The following RMP64 variants were observed in gnomAD, a reference collection of about 807,000 sequenced individuals.
RMP64 encodes nucleolus and neural progenitor protein.
At chr3:113,010,646 A>G in the RMP64 span, 3 of 1,611,502 alleles carry the variant, frequency 1.9e-6, no homozygotes, top group South Asian at 3.3e-5. Flanking sequence ...GACAAACCTG[A>G]GTAGCTTTGT....
the RMP64 span, among the ~76,000 whole-genome samples, chr3:113,007,720 C>G: frequency 2.0e-5 from 3 of 152,124 alleles, no homozygotes; most frequent in African/African-American, 7.2e-5. Flanking sequence ...AGTACAACAC[C>G]CCAGCAGTCT....
the RMP64 span, chr3:113,010,531 C>A: frequency 1.2e-6 from 1 of 844,870 alleles, no homozygotes; most frequent in Non-Finnish European, 1.9e-6. Flanking sequence ...TAAGAAGGCA[C>A]TAAGCTTAGA....
At chr3:113,010,651 C>T in the RMP64 span, 6 of 1,612,692 alleles carry the variant, frequency 3.7e-6, no homozygotes, top group South Asian at 5.5e-5. Flanking sequence ...ACCTGAGTAG[C>T]TTTGTGTTTC....
the RMP64 span, chr3:113,002,730 C>T: frequency 6.4e-6 from 1 of 157,274 alleles, no homozygotes; most frequent in African/African-American, 2.4e-5. Context: ...AACTGGTTAT[C>T]AGAAGTCAAC....
At chr3:113,005,576 G>C in the RMP64 span, 1 of 1,613,610 alleles carries the variant, frequency 6.2e-7, no homozygotes, top group Non-Finnish European at 8.5e-7. Flanking sequence ...AATGTCATCT[G>C]TCTCCTTAAT....
the RMP64 span, among the ~76,000 whole-genome samples, chr3:113,018,438 G>A: frequency 6.6e-6 from 1 of 152,218 alleles, no homozygotes; most frequent in African/African-American, 2.4e-5. Context: ...TGTGTAGGAA[G>A]GATAGATGGG....
At chr3:113,003,359 A>ATAAT in the RMP64 span, 1 of 152,144 alleles carries the variant, frequency 6.6e-6, no homozygotes, top group African/African-American at 2.4e-5. Context: ...AATAATAATA[A>ATAAT]TAATTCACTA....
chr3:113,017,402 C>T, the RMP64 span: 5 of 1,536,044 alleles, frequency 3.3e-6, no homozygotes, highest in East Asian at 1.1e-4. Flanking sequence ...GTGTGATCTA[C>T]ATTTTCAAGT....
chr3:113,010,294 A>G, the RMP64 span, among the ~76,000 whole-genome samples: 2 of 152,208 alleles, frequency 1.3e-5, no homozygotes, highest in Non-Finnish European at 2.9e-5. Flanking sequence ...AACTCACAGA[A>G]GGTCACACAG....
chr3:113,012,868 T>A, the RMP64 span: 53 of 1,023,764 alleles, frequency 5.2e-5, no homozygotes, highest in Admixed American at 9.1e-4. Flanking sequence ...TTTTGTAAGT[T>A]ACAATCATGA....
chr3:113,002,686 A>G, the RMP64 span: 1 of 153,988 alleles, frequency 6.5e-6, no homozygotes, highest in Non-Finnish European at 1.5e-5. Context: ...TTCTTTTAAT[A>G]GATAAAAGTA....
At chr3:113,011,353 A>G in the RMP64 span, 1 of 1,608,106 alleles carries the variant, frequency 6.2e-7, no homozygotes, top group South Asian at 1.1e-5. Context: ...AAGCAATCCA[A>G]ACAAAGGCTC....
the RMP64 span, among the ~76,000 whole-genome samples, chr3:113,006,406 G>A: frequency 1.3e-5 from 2 of 152,158 alleles, no homozygotes; most frequent in Non-Finnish European, 2.9e-5. Flanking sequence ...TGGATAATCA[G>A]CTTCATGCTG....
At chr3:113,005,072 A>ACTT in the RMP64 span, 1 of 167,328 alleles carries the variant, frequency 6.0e-6, no homozygotes, top group East Asian at 1.6e-4. Flanking sequence ...GGAGCTACAA[A>ACTT]CTTTAGTATT....
chr3:113,019,502 C>T, the RMP64 span: 3 of 1,535,536 alleles, frequency 2.0e-6, no homozygotes, highest in African/African-American at 2.7e-5. Flanking sequence ...GCGGCCTCCC[C>T]CGGAAACGTT....
chr3:113,011,378 A>G, the RMP64 span: 4 of 1,596,074 alleles, frequency 2.5e-6, no homozygotes, highest in Admixed American at 1.8e-5. Flanking sequence ...AACAAAATCA[A>G]CCTTTTTAAG....
chr3:113,005,990 A>G, the RMP64 span: 2 of 1,608,124 alleles, frequency 1.2e-6, no homozygotes, highest in Non-Finnish European at 1.7e-6. Context: ...TATGCACTCT[A>G]GTTTCTTTGG....
the RMP64 span, chr3:113,011,477 G>C: frequency 4.2e-5 from 57 of 1,346,028 alleles, no homozygotes; most frequent in African/African-American, 7.6e-4. Flanking sequence ...TAAACTGCAA[G>C]ATTGAAAGCT....
At chr3:113,011,127 T>G in the RMP64 span, 1 of 1,613,402 alleles carries the variant, frequency 6.2e-7, no homozygotes, top group Non-Finnish European at 8.5e-7. Context: ...TAGCTTTTTT[T>G]GAAATTCCAA....
Sources: allele counts gnomAD v4.1 joint callset (sites outside exome capture counted in the v4.1 genomes callset), GRCh38; gene constraint gnomAD v4.1.1; transcripts MANE v1.5; gene names NCBI Gene and HGNC (gene_info 2026-07-23, HGNC 2026-07-21).